HIPK2: variants seen among roughly 807,000 people sequenced by gnomAD.
HIPK2 encodes the protein homeodomain-interacting protein kinase 2.
Under a neutral mutation model 113.7 loss-of-function variants are expected in HIPK2, and 27 were observed. That is an observed-to-expected ratio of 0.24 (90% confidence interval 0.17 to 0.33). HIPK2 has a LOEUF of 0.33. Among genes scored for constraint, HIPK2 ranks in the 10% least tolerant of loss-of-function variants. The pLI, the probability that HIPK2 is intolerant of heterozygous loss-of-function variation, is 1.00. For synonymous variants in HIPK2, 631 were observed against 642.2 expected, an observed-to-expected ratio of 0.98 and a Z score of 0.26; for missense variants, 1,257 against 1,588.0, an observed-to-expected ratio of 0.79 and a Z score of 3.54.
intron 1 of HIPK2, among the ~76,000 whole-genome samples, chr7:139,745,574 A>G (rs1000314055): frequency 7.9e-5 from 12 of 152,148 alleles, no homozygotes; most frequent in African/African-American, 2.9e-4. Flanking sequence ...CTCAAACTTA[A>G]AATGTCCCAA....
chr7:139,718,372 T>C (rs545704897), intron 1 of HIPK2, among the ~76,000 whole-genome samples: 93 of 152,290 alleles, frequency 6.1e-4, no homozygotes, highest in Admixed American at 2.3e-3. Context: ...AGAGTGGTAA[T>C]CCTTTCCACT....
At chr7:139,650,895 C>T (rs565167614) in intron 2 of HIPK2, among the ~76,000 whole-genome samples, 2 of 152,338 alleles carry the variant, frequency 1.3e-5, no homozygotes, top group East Asian at 1.9e-4. Context: ...GTGACTGCAG[C>T]CTGGGCTAAG....
At chr7:139,746,010 A>G (rs1436745446) in intron 1 of HIPK2, among the ~76,000 whole-genome samples, 2 of 152,176 alleles carry the variant, frequency 1.3e-5, no homozygotes, top group Non-Finnish European at 2.9e-5. Flanking sequence ...GGAGGAGCAG[A>G]GCAGATGGGG....
At chr7:139,720,465 C>T (rs1376279452) in intron 1 of HIPK2, among the ~76,000 whole-genome samples, 1 of 152,210 alleles carries the variant, frequency 6.6e-6, no homozygotes, top group Non-Finnish European at 1.5e-5. Flanking sequence ...AATCCTCGTG[C>T]CTGACAAGAC....
chr7:139,635,783 A>T (rs931785723), intron 2 of HIPK2, among the ~76,000 whole-genome samples: 2 of 152,228 alleles, frequency 1.3e-5, no homozygotes, highest in Admixed American at 6.5e-5. Flanking sequence ...AAAGACACAG[A>T]CATAAAAATC....
intron 1 of HIPK2, among the ~76,000 whole-genome samples, chr7:139,751,602 G>A (rs533795773): frequency 1.3e-5 from 2 of 150,336 alleles, no homozygotes; most frequent in African/African-American, 2.5e-5. Flanking sequence ...ATGGATGGAT[G>A]GATGGATGGA....
At chr7:139,722,926 C>T (rs937875340) in intron 1 of HIPK2, among the ~76,000 whole-genome samples, 10 of 151,678 alleles carry the variant, frequency 6.6e-5, no homozygotes, top group African/African-American at 2.4e-4. Context: ...TGCAGTGGTG[C>T]AATCATAGCT....
At chr7:139,612,083 C>T (rs1008319179) in intron 9 of HIPK2, among the ~76,000 whole-genome samples, 2 of 151,750 alleles carry the variant, frequency 1.3e-5, no homozygotes, top group African/African-American at 4.8e-5. Flanking sequence ...AACAGGGCTT[C>T]CCTACTAGAT....
At chr7:139,680,062 G>C (rs915224980) in intron 2 of HIPK2, among the ~76,000 whole-genome samples, 1 of 152,140 alleles carries the variant, frequency 6.6e-6, no homozygotes, top group African/African-American at 2.4e-5. Flanking sequence ...GGAAAGCAGG[G>C]GGAGTACAGG....
chr7:139,653,573 C>T (rs1224240784), intron 2 of HIPK2, among the ~76,000 whole-genome samples: 1 of 151,820 alleles, frequency 6.6e-6, no homozygotes, highest in African/African-American at 2.4e-5. Context: ...AGGAAATCAG[C>T]TTCCACTGCC....
At chr7:139,742,793 A>G (rs1003691789) in intron 1 of HIPK2, among the ~76,000 whole-genome samples, 6 of 152,232 alleles carry the variant, frequency 3.9e-5, no homozygotes, top group Admixed American at 3.3e-4. Context: ...TTGCACATCT[A>G]GGGGTATCTT....
intron 1 of HIPK2, among the ~76,000 whole-genome samples, chr7:139,760,807 T>C (rs1198986387): frequency 1.3e-5 from 2 of 152,176 alleles, no homozygotes; most frequent in Non-Finnish European, 2.9e-5. Context: ...TCTGCACCAA[T>C]AACCACCCCC....
intron 2 of HIPK2, among the ~76,000 whole-genome samples, chr7:139,685,439 A>G (rs571726632): frequency 6.6e-6 from 1 of 152,334 alleles, no homozygotes; most frequent in South Asian, 2.1e-4. Context: ...CTGGGATTAC[A>G]GGTATGAGCC....
intron 1 of HIPK2, among the ~76,000 whole-genome samples, chr7:139,725,031 T>C (rs1235975340): frequency 1.3e-5 from 2 of 151,466 alleles, no homozygotes; most frequent in Non-Finnish European, 2.9e-5. Flanking sequence ...AAACATGAAA[T>C]AAAATCAATC....
At chr7:139,741,935 C>T (rs1796108604) in intron 1 of HIPK2, among the ~76,000 whole-genome samples, 1 of 152,166 alleles carries the variant, frequency 6.6e-6, no homozygotes. Flanking sequence ...TCACGGCAAC[C>T]CTGGGAGGTC....
intron 1 of HIPK2, among the ~76,000 whole-genome samples, chr7:139,742,226 A>G (rs968090629): frequency 6.6e-6 from 1 of 152,226 alleles, no homozygotes; most frequent in African/African-American, 2.4e-5. Flanking sequence ...ATTTTGAGCA[A>G]GTCACTTAAT....
At chr7:139,655,205 C>T (rs1801620787) in intron 2 of HIPK2, among the ~76,000 whole-genome samples, 1 of 152,222 alleles carries the variant, frequency 6.6e-6, no homozygotes, top group Admixed American at 6.5e-5. Context: ...GGATCACAGT[C>T]AGTTAAGGGA....
chr7:139,584,773 C>T (rs554739086), intron 12 of HIPK2, among the ~76,000 whole-genome samples: 3 of 152,344 alleles, frequency 2.0e-5, no homozygotes, highest in East Asian at 1.9e-4. Flanking sequence ...TTTTCCACTG[C>T]CTGGGCCAAG....
chr7:139,712,372 C>CAATGGTGGGATGAGACACTTA (rs1352035783), intron 2 of HIPK2, among the ~76,000 whole-genome samples: 4 of 152,158 alleles, frequency 2.6e-5, no homozygotes, highest in African/African-American at 4.8e-5. Context: ...TAGGTGGGGA[C>CAATGGTGGGATGAGACACTTA]AATGGTGGGA....
Sources: allele counts gnomAD v4.1 joint callset (sites outside exome capture counted in the v4.1 genomes callset), GRCh38; gene constraint gnomAD v4.1.1; transcripts MANE v1.5; gene names NCBI Gene and HGNC (gene_info 2026-07-23, HGNC 2026-07-21).